Variants in NOL8 observed in about 807,000 individuals in gnomAD.
NOL8 encodes the protein nucleolar protein 8, also known as nucleolar protein Nop132.
Under a neutral mutation model 116.1 loss-of-function variants are expected in NOL8, and 93 were observed. The ratio of observed to expected loss-of-function variants is 0.80; its 90% CI spans 0.68 to 0.95. The LOEUF (loss-of-function observed/expected upper bound fraction) is 0.95, where lower values mean the gene tolerates loss of function less well. Among genes scored for constraint, NOL8 ranks in the 40% least tolerant of loss-of-function variants. The pLI is 0.00. For missense variants in NOL8, 1,291 were observed against 1,382.8 expected (o/e 0.93, Z 1.05); for synonymous variants, 419 against 469.0 (o/e 0.89, Z 1.38).
chr9:92,319,289 A>C lies in NOL8; in HGVS notation c.349T>G (p.Leu117Val), dbSNP rs1839707787. 2 of 1,596,420 alleles carry C rather than the reference A, an allele frequency of 1.3e-6. No individual in the cohort carries two copies. The highest frequency in any genetic ancestry group is 2.7e-5 in the African/African-American group (2 of 72,748). Residue 117 changes from leucine (L) to valine (V), a missense_variant, in exon 5 of 17, where the codon TTA (leucine) becomes GTA (valine). Transcript: ENST00000442668. ...EESTTGNANLLEKTGGVDFHM... is the reference protein window; with the variant it reads ...EESTTGNANLVEKTGGVDFHM... ...AAATCCACTCCTCCTGTCTTTTCTA[A>C]CAAGTTGGCGTTACCTGTTGTTGAT... is the stretch of plus-strand genomic sequence containing the variant.
intron 12 of NOL8, among the ~76,000 whole-genome samples, chr9:92,303,080 C>T (rs556642903): frequency 2.0e-5 from 3 of 152,074 alleles, no homozygotes; most frequent in Non-Finnish European, 4.4e-5. Flanking sequence ...TGGTTTCATC[C>T]TACTGATTAC....
chr9:92,305,044 G>C (rs1395187617), intron 12 of NOL8, among the ~76,000 whole-genome samples: 7 of 151,840 alleles, frequency 4.6e-5, no homozygotes, highest in African/African-American at 1.7e-4. Context: ...ATGGTTGAAT[G>C]GTTGCCCCCC....
intron 1 of NOL8, 38 bp downstream of exon 1, chr9:92,325,268 G>A (rs1328801313): frequency 6.6e-6 from 1 of 152,142 alleles, no homozygotes; most frequent in Admixed American, 6.5e-5. Flanking sequence ...ACTAGGAAAC[G>A]GCCCTGTGAC....
At chr9:92,319,473 C>T (rs1839736220) in intron 4 of NOL8, 117 bp from the exon 5 acceptor site, 1 of 969,712 alleles carries the variant, frequency 1.0e-6, no homozygotes, top group Admixed American at 3.8e-5. Flanking sequence ...TATTAAAAAC[C>T]AAAATAAAAC....
At chr9:92,321,644 A>C (rs1839934527) in intron 4 of NOL8, 24 bp downstream of exon 4, 1 of 1,428,772 alleles carries the variant, frequency 7.0e-7, no homozygotes, top group South Asian at 1.3e-5. Context: ...AATAGGGCTT[A>C]AATCCATGTG....
intron 9 of NOL8, 76 bp downstream of exon 9, chr9:92,310,477 C>T: frequency 2.7e-6 from 4 of 1,490,812 alleles, no homozygotes; most frequent in East Asian, 2.3e-5. Context: ...GGTCTGCCTG[C>T]ATTTACCCAG....
chr9:92,299,603 T>C (rs1214348481), intron 14 of NOL8, among the ~76,000 whole-genome samples: 1 of 151,894 alleles, frequency 6.6e-6, no homozygotes, highest in African/African-American at 2.4e-5. Context: ...ATACAAAAAT[T>C]AGCCAGGTGT....
At chr9:92,310,113 GGTGATTTCTCA>G (rs1336371645) in intron 10 of NOL8, 47 bp downstream of exon 10, 1 of 1,205,514 alleles carries the variant, frequency 8.3e-7, no homozygotes, top group East Asian at 2.5e-5. Context: ...AGGTATACTA[GGTGATTTCTCA>G]GTGTCCCCAG....
chr9:92,310,201 G>A lies in NOL8; in HGVS notation c.2656C>T (p.Leu886=), dbSNP rs1405071252. ...DDRFRMDSRF[L]ETDSEEEQEE... ...TGTTCCTCTTCACTGTCAGTTTCTA[G>A]AAATCGAGAGTCCATGCGGAATCTG... The change falls in exon 10 of 17, where the codon CTA becomes TTA. Residue 886 remains leucine, a synonymous_variant. Transcript: ENST00000442668. 11 of 1,609,556 alleles carry A rather than the reference G, an allele frequency of 6.8e-6. No homozygotes were observed. The highest frequency in any genetic ancestry group is 4.0e-5 in the African/African-American group (3 of 74,854).
At chr9:92,300,053 A>C (rs1356240737) in intron 13 of NOL8, 37 bp from the exon 14 acceptor site, 2 of 1,602,852 alleles carry the variant, frequency 1.2e-6, no homozygotes, top group Non-Finnish European at 1.7e-6. Flanking sequence ...ATGGGATTGT[A>C]ACTCCACAGC....
At position 92,314,576 on chromosome 9, in the gene NOL8, A is replaced by G; in HGVS notation, c.2049T>C (p.Ser683=). 6 of 1,612,992 alleles carry G rather than the reference A, an allele frequency of 3.7e-6. No homozygotes were observed. Among genetic ancestry groups the G allele is most frequent in the Non-Finnish European group, 5.1e-6 (6 of 1,179,404 alleles). ...CTATGTTGTGAGTCTTTGCACTAAGACTTAAGGACTTCTTACCTTCTAATG... is the reference window on the plus strand; with the variant it reads ...CTATGTTGTGAGTCTTTGCACTAAGGCTTAAGGACTTCTTACCTTCTAATG... ...SRPLEGKKSL[S]LSAKTHNIGF... The change falls in exon 7 of 17, where the codon AGT becomes AGC. Residue 683 remains serine, a synonymous_variant. Coordinates refer to ENST00000442668, the MANE Select transcript of NOL8 (RefSeq NM_017948.6).
At chr9:92,316,679 G>T (rs995714626) in intron 6 of NOL8, among the ~76,000 whole-genome samples, 5 of 152,106 alleles carry the variant, frequency 3.3e-5, no homozygotes, top group Non-Finnish European at 7.4e-5. Context: ...AGCTGGCCTG[G>T]GCACGGTGGC....
intron 12 of NOL8, among the ~76,000 whole-genome samples, chr9:92,303,443 G>A (rs1837930116): frequency 6.6e-6 from 1 of 152,024 alleles, no homozygotes; most frequent in Admixed American, 6.5e-5. Flanking sequence ...TAGTTTTATC[G>A]GCACACAGCC....
intron 16 of NOL8, 103 bp downstream of exon 16, chr9:92,298,154 C>T: frequency 1.2e-6 from 1 of 838,834 alleles, no homozygotes. Flanking sequence ...AGCCAGTCTG[C>T]AGTCTCCTCA....
chr9:92,300,988 A>G (rs527614974), intron 13 of NOL8, among the ~76,000 whole-genome samples: 50 of 152,332 alleles, frequency 3.3e-4, no homozygotes, highest in African/African-American at 1.2e-3. Context: ...GGAACAGGTC[A>G]GGTGTTTTTT....
At chr9:92,310,860 C>G (rs1302767263) in intron 8 of NOL8, 185 bp from the exon 9 acceptor site, 3 of 628,670 alleles carry the variant, frequency 4.8e-6, no homozygotes, top group Non-Finnish European at 8.1e-6. Flanking sequence ...GATCACTAAT[C>G]CAGAGGCTCT....
chr9:92,302,187 G>C (rs200353325), intron 12 of NOL8, among the ~76,000 whole-genome samples: 3 of 152,130 alleles, frequency 2.0e-5, no homozygotes, highest in East Asian at 3.8e-4. Flanking sequence ...AATGAAAACT[G>C]TAAGCCACAT....
rs375364987 is a variant in NOL8 at position 92,314,270 on chromosome 9, A to G, written c.2355T>C (p.Asn785=). 19 of 1,557,306 alleles carry G rather than the reference A, an allele frequency of 1.2e-5. No homozygotes were observed. The African/African-American group carries it at 2.1e-4, about 17-fold the overall frequency. The change falls in exon 7 of 17, where the codon AAT becomes AAC. Residue 785 remains asparagine, a synonymous_variant. Coordinates refer to ENST00000442668, the MANE Select transcript of NOL8 (RefSeq NM_017948.6). ...QKKLVHNALA[N]LDGHPEDKPT... is the part of the protein sequence containing the mutation. ...CATACATTGAAAATATACTCACCAA[A>G]TTTGCCAGAGCATTATGCACCAGCT...
chr9:92,318,033 C>CAA (rs745928872), intron 6 of NOL8, among the ~76,000 whole-genome samples: 732 of 33,996 alleles, frequency 0.022, 15 homozygotes, highest in African/African-American at 0.029. Context: ...GACTCCATCT[C>CAA]AAAAAAAAAA....
Sources: gnomAD v4.1 joint callset for allele counts (sites outside exome capture counted in the v4.1 genomes callset) on GRCh38, gnomAD v4.1.1 for gene constraint, MANE v1.5 for transcripts, NCBI Gene and HGNC (gene_info 2026-07-23, HGNC 2026-07-21) for gene names.